CNTNAP2: variants seen among roughly 807,000 people sequenced by gnomAD.
CNTNAP2 encodes the protein contactin-associated protein-like 2.
In CNTNAP2, 98 loss-of-function variants were observed where a neutral mutation model predicts 155.2. The observed-to-expected ratio is 0.63, with a 90% CI of 0.54 to 0.75. The LOEUF (loss-of-function observed/expected upper bound fraction) is 0.75, where lower values mean the gene tolerates loss of function less well. Among genes scored for constraint, CNTNAP2 ranks in the 30% least tolerant of loss-of-function variants. The probability of loss-of-function intolerance (pLI) is 0.00; values close to 1 mark genes in which losing one functional copy is unlikely to be tolerated. For missense variants in CNTNAP2, 1,727 were observed against 1,688.1 expected, an observed-to-expected ratio of 1.02 and a Z score of -0.40; for synonymous variants, 651 against 631.2, an observed-to-expected ratio of 1.03 and a Z score of -0.47.
At chr7:148,073,643 C>T (rs1803422236) in intron 15 of CNTNAP2, among the ~76,000 whole-genome samples, 1 of 152,110 alleles carries the variant, frequency 6.6e-6, no homozygotes, top group African/African-American at 2.4e-5. Context: ...TTAGTTACTG[C>T]TGTTAATATT....
chr7:148,204,465 C>T (rs1007032896), intron 18 of CNTNAP2, among the ~76,000 whole-genome samples: 7 of 152,204 alleles, frequency 4.6e-5, no homozygotes, highest in Admixed American at 3.3e-4. Flanking sequence ...TTTCAGAACA[C>T]ATATGGGAAT....
chr7:147,057,141 C>A (rs2129260997), intron 4 of CNTNAP2, among the ~76,000 whole-genome samples: 1 of 152,214 alleles, frequency 6.6e-6, no homozygotes, highest in African/African-American at 2.4e-5. Flanking sequence ...AAATATGCTA[C>A]AAATTTATTT....
intron 22 of CNTNAP2, among the ~76,000 whole-genome samples, chr7:148,402,566 C>A (rs1197635244): frequency 2.0e-5 from 3 of 152,058 alleles, no homozygotes; most frequent in African/African-American, 7.2e-5. Context: ...TAGTGAATGG[C>A]TAAAAACATT....
At chr7:147,731,876 T>C (rs1309181698) in intron 13 of CNTNAP2, among the ~76,000 whole-genome samples, 8 of 151,906 alleles carry the variant, frequency 5.3e-5, no homozygotes, top group Non-Finnish European at 1.2e-4. Context: ...CTTCGAGGGG[T>C]TCAAGACTCC....
At chr7:147,192,444 C>A (rs899334603) in intron 8 of CNTNAP2, among the ~76,000 whole-genome samples, 4 of 152,168 alleles carry the variant, frequency 2.6e-5, no homozygotes, top group Non-Finnish European at 4.4e-5. Context: ...TCCATTAGTT[C>A]TCAGTGTGGT....
intron 1 of CNTNAP2, among the ~76,000 whole-genome samples, chr7:146,464,349 T>A (rs1796685896): frequency 6.6e-6 from 1 of 152,024 alleles, no homozygotes. Context: ...TGGAAGGAAA[T>A]TGTCTCAGTG....
chr7:146,627,485 T>A (rs528965406), intron 1 of CNTNAP2, among the ~76,000 whole-genome samples: 1 of 152,094 alleles, frequency 6.6e-6, no homozygotes, highest in African/African-American at 2.4e-5. Context: ...ATGAGTAAAA[T>A]CCCAAATCAA....
Position 146,328,476 on chromosome 7 carries a change from C to T in CNTNAP2, c.97+211503C>T, listed in dbSNP as rs142157119. ...AAATTTGTACATTGTGAAAAGACTA[C>T]GACAAGTTAATTAACACATCCATAA... is the stretch of plus-strand genomic sequence containing the variant. On this transcript the variant is annotated intron_variant, in intron 1 of 23. Coordinates refer to ENST00000361727, the MANE Select transcript of CNTNAP2 (RefSeq NM_014141.6). Among the ~76,000 whole-genome samples, 313 of 151,626 alleles carry T rather than the reference C, an allele frequency of 2.1e-3. 1 individual carries two copies. Among genetic ancestry groups the T allele is most frequent in the African/African-American group, 5.7e-3 (236 of 41,310 alleles).
At chr7:147,939,997 C>T (rs1214758520) in intron 14 of CNTNAP2, 1 of 152,022 alleles carries the variant, frequency 6.6e-6, no homozygotes, top group Non-Finnish European at 1.5e-5. Context: ...TTTAAAATTA[C>T]TTTAGAGCCA....
At chr7:146,867,975 G>C (rs1055626414) in intron 3 of CNTNAP2, among the ~76,000 whole-genome samples, 2 of 151,956 alleles carry the variant, frequency 1.3e-5, no homozygotes, top group African/African-American at 4.8e-5. Context: ...TAGGTTGTCT[G>C]TTTACTCTGT....
intron 13 of CNTNAP2, among the ~76,000 whole-genome samples, chr7:147,884,862 T>C (rs1219439963): frequency 6.6e-6 from 1 of 151,994 alleles, no homozygotes; most frequent in Non-Finnish European, 1.5e-5. Flanking sequence ...GAAGACCGGG[T>C]AATGGATGAA....
At chr7:148,229,906 A>T in intron 20 of CNTNAP2, 127 bp downstream of exon 20, 2 of 1,018,576 alleles carry the variant, frequency 2.0e-6, no homozygotes, top group South Asian at 1.5e-5. Flanking sequence ...ACTTTCTCCT[A>T]CAAGTGCATA....
intron 1 of CNTNAP2, among the ~76,000 whole-genome samples, chr7:146,194,237 A>G (rs1798745902): frequency 3.9e-5 from 6 of 152,180 alleles, no homozygotes; most frequent in Admixed American, 2.6e-4. Flanking sequence ...GTACCAATTT[A>G]CTGTATTAGT....
intron 3 of CNTNAP2, among the ~76,000 whole-genome samples, chr7:146,845,154 T>C (rs1803817343): frequency 6.6e-6 from 1 of 152,190 alleles, no homozygotes. Context: ...GGCAGTTTCA[T>C]TTATGAAACA....
chr7:147,197,238 G>T (rs771528401), intron 8 of CNTNAP2, among the ~76,000 whole-genome samples: 9 of 151,984 alleles, frequency 5.9e-5, no homozygotes, highest in Non-Finnish European at 1.3e-4. Context: ...ATTTACGTAG[G>T]GTATACACCA....
chr7:147,239,315 G>A (rs1429359394), intron 8 of CNTNAP2, among the ~76,000 whole-genome samples: 3 of 151,940 alleles, frequency 2.0e-5, no homozygotes, highest in Admixed American at 2.0e-4. Context: ...AGACCAGCCT[G>A]ACCAACATGG....
At chr7:148,285,327 C>T (rs902941144) in intron 21 of CNTNAP2, among the ~76,000 whole-genome samples, 4 of 152,246 alleles carry the variant, frequency 2.6e-5, no homozygotes, top group African/African-American at 9.6e-5. Flanking sequence ...ATTTATACTA[C>T]TTCTCCAAGG....
chr7:147,243,556 T>G (rs528543980), intron 8 of CNTNAP2, among the ~76,000 whole-genome samples: 1 of 152,246 alleles, frequency 6.6e-6, no homozygotes, highest in African/African-American at 2.4e-5. Context: ...AAATAGTGGG[T>G]GGGTACTCAA....
chr7:146,474,679 TA>T (rs956961063), intron 1 of CNTNAP2, among the ~76,000 whole-genome samples: 1 of 152,134 alleles, frequency 6.6e-6, no homozygotes, highest in Admixed American at 6.5e-5. Context: ...AACACATCTT[TA>T]AAAAAAACTA....
Sources: allele counts gnomAD v4.1 joint callset (sites outside exome capture counted in the v4.1 genomes callset), GRCh38; gene constraint gnomAD v4.1.1; transcripts MANE v1.5; gene names NCBI Gene and HGNC (gene_info 2026-07-23, HGNC 2026-07-21).